Variants in DECR1 observed in about 807,000 individuals in gnomAD.
DECR1 encodes the protein 2,4-dienoyl-CoA reductase [(3E)-enoyl-CoA-producing], mitochondrial.
DECR1 carries 44 observed loss-of-function variants against 38.8 expected under a neutral mutation model. The ratio of observed to expected loss-of-function variants is 1.13; its 90% CI spans 0.89 to 1.46. The LOEUF is 1.46. Among genes scored for constraint, DECR1 ranks in the 40% most tolerant of loss-of-function variants. The probability of loss-of-function intolerance (pLI) is 0.00; values close to 1 mark genes in which losing one functional copy is unlikely to be tolerated. For synonymous variants in DECR1, 148 were observed against 135.2 expected (o/e 1.09, Z -0.66); for missense variants, 428 against 405.5 (o/e 1.06, Z -0.48).
At chr8:90,035,789 G>A (rs1813605277) in intron 5 of DECR1, among the ~76,000 whole-genome samples, 2 of 152,020 alleles carry the variant, frequency 1.3e-5, no homozygotes, top group African/African-American at 2.4e-5. Flanking sequence ...TTCTTTTGAG[G>A]TGTGTGGTTT....
At chr8:90,011,256 C>G (rs1177936187) in intron 1 of DECR1, among the ~76,000 whole-genome samples, 1 of 152,170 alleles carries the variant, frequency 6.6e-6, no homozygotes, top group South Asian at 2.1e-4. Flanking sequence ...GCAATGTTTA[C>G]AGTCAGCATA....
chr8:90,016,579 C>G (rs1813012247), intron 1 of DECR1, among the ~76,000 whole-genome samples: 1 of 152,138 alleles, frequency 6.6e-6, no homozygotes, highest in Admixed American at 6.5e-5. Flanking sequence ...GCGGAGGTTG[C>G]AGTCAGCCAA....
rs945735364 is a variant in DECR1 at position 90,052,428 on chromosome 8, A to T, written c.*531A>T. On this transcript the variant is annotated 3_prime_UTR_variant, in exon 10 of 10. Transcript: ENST00000220764. ...TACTAGGACCTATTTGTAGCCAGGC[A>T]TTTTATTTAGTACTGAATAAGCTAT... 6.6e-6 allele frequency among the ~76,000 whole-genome samples: 1 copy of T among 152,158 alleles called. No homozygotes were observed. The highest frequency in any genetic ancestry group is 6.5e-5 in the Admixed American group (1 of 15,274).
intron 5 of DECR1, among the ~76,000 whole-genome samples, chr8:90,028,469 T>A (rs184613271): frequency 6.6e-6 from 1 of 152,270 alleles, no homozygotes; most frequent in African/African-American, 2.4e-5. Context: ...GGACTAGCTT[T>A]GGTGTTGAGT....
intron 5 of DECR1, among the ~76,000 whole-genome samples, chr8:90,021,517 CA>C (rs1813164235): frequency 6.6e-6 from 1 of 152,004 alleles, no homozygotes; most frequent in Non-Finnish European, 1.5e-5. Context: ...GGAGAGTTCT[CA>C]ATACCAAAAT....
chr8:90,049,038 C>A (rs1813992164), intron 8 of DECR1, among the ~76,000 whole-genome samples: 1 of 152,116 alleles, frequency 6.6e-6, no homozygotes, highest in Non-Finnish European at 1.5e-5. Context: ...TGGGACATGC[C>A]TCAAAATAAT....
intron 5 of DECR1, among the ~76,000 whole-genome samples, chr8:90,032,251 G>A (rs1813514704): frequency 6.6e-6 from 1 of 152,040 alleles, no homozygotes; most frequent in African/African-American, 2.4e-5. Flanking sequence ...TCAGCTTAGG[G>A]CCACCCTATC....
rs767840047 is a variant in DECR1 at position 90,019,173 on chromosome 8, G to GTT, written c.417+2_417+3insTT. The GTT allele has an allele frequency of 1.2e-5, 19 of 1,613,298 alleles. No homozygotes were observed. The highest frequency in any genetic ancestry group is 1.5e-5 in the Non-Finnish European group (18 of 1,179,390). ...GATCAAAGTTGCAGGACATCCTAAT[G>GTT]TAAGTGTAGCAATGATGAAGCCAAA... On this transcript the variant is annotated splice_donor_variant, in intron 4 of 9. Transcript: ENST00000220764. LOFTEE classifies it high-confidence loss of function.
In DECR1 at chr8:90,020,915, A is replaced by G. The variant is rs981028164; in HGVS notation, c.424A>G (p.Ile142Val). 1.9e-6 allele frequency: 3 copies of G among 1,561,022 alleles called. No homozygotes were observed. The African/African-American group carries it at 4.2e-5, about 22-fold the overall frequency. The change falls in exon 5 of 10, where the codon ATA becomes GTA. Residue 142 changes from isoleucine to valine, a missense_variant. By Grantham distance (29) the Ile-to-Val change is conservative (BLOSUM62 3). Coordinates refer to ENST00000220764, the MANE Select transcript of DECR1 (RefSeq NM_001359.2). ...TGCCTTGTTCATTTATTAGATTGTG[A>G]TAAACAATGCAGCAGGGAATTTTAT... ...IKVAGHPNIV[I>V]NNAAGNFISP...
At chr8:90,007,278 C>T (rs111296397) in intron 1 of DECR1, among the ~76,000 whole-genome samples, 56 of 152,050 alleles carry the variant, frequency 3.7e-4, no homozygotes, top group Non-Finnish European at 5.9e-4. Context: ...CTATGGGGAG[C>T]GAAGGAATCT....
chr8:90,005,437 G>GT (rs1201020037), intron 1 of DECR1: 2 of 456,150 alleles, frequency 4.4e-6, no homozygotes, highest in South Asian at 1.5e-5. Context: ...AATAGCATCC[G>GT]TTTTTTCCAG....
chr8:90,009,598 A>C (rs1001754268), intron 1 of DECR1, among the ~76,000 whole-genome samples: 4 of 152,192 alleles, frequency 2.6e-5, no homozygotes, highest in African/African-American at 9.7e-5. Context: ...TAAATGAATA[A>C]ACTCTATATC....
chr8:90,045,048 G>T, intron 8 of DECR1, 53 bp downstream of exon 8: 1 of 1,602,366 alleles, frequency 6.2e-7, no homozygotes, highest in South Asian at 1.1e-5. Context: ...GTTTGGGGCA[G>T]GGAGGTCTGT....
chr8:90,030,071 C>T (rs1407771867), intron 5 of DECR1, among the ~76,000 whole-genome samples: 1 of 152,128 alleles, frequency 6.6e-6, no homozygotes, highest in East Asian at 1.9e-4. Context: ...AACTGTTTCA[C>T]CTCAGATCAT....
intron 1 of DECR1, among the ~76,000 whole-genome samples, chr8:90,004,096 C>T (rs1490186279): frequency 1.3e-5 from 2 of 151,682 alleles, no homozygotes; most frequent in Admixed American, 1.3e-4. Context: ...GTTTCTTTTC[C>T]TTTTGTTTTT....
intron 1 of DECR1, among the ~76,000 whole-genome samples, chr8:90,014,211 A>C (rs1812953119): frequency 6.6e-6 from 1 of 152,206 alleles, no homozygotes; most frequent in Admixed American, 6.5e-5. Flanking sequence ...AAAATCTTTA[A>C]AAGCCTGTTT....
At chr8:90,045,804 C>T (rs1813884157) in intron 8 of DECR1, among the ~76,000 whole-genome samples, 1 of 152,190 alleles carries the variant, frequency 6.6e-6, no homozygotes, top group African/African-American at 2.4e-5. Context: ...ACTGACACCT[C>T]ATACAGCCAG....
Position 90,001,489 on chromosome 8 carries a change from CAACATGAA to C in DECR1, c.-3_5del. 2.5e-6 allele frequency: 4 copies of C among 1,613,988 alleles called. No individual in the cohort carries two copies. The highest frequency in any genetic ancestry group is 2.5e-6 in the Non-Finnish European group (3 of 1,179,888). On this transcript the variant is annotated start_lost and 5_prime_UTR_variant, in exon 1 of 10. Transcript: ENST00000220764. ...CCTTCCGGCCCGAGTTCTGGAGACT[CAACATGAA>C]GCTACCGGCCAGGGTTTTCTTTACT...
chr8:90,048,152 A>G (rs1280235475), intron 8 of DECR1, among the ~76,000 whole-genome samples: 1 of 152,210 alleles, frequency 6.6e-6, no homozygotes, highest in Non-Finnish European at 1.5e-5. Context: ...AACACATTCA[A>G]AAGCTAGCAG....
Sources: allele counts gnomAD v4.1 joint callset (sites outside exome capture counted in the v4.1 genomes callset), GRCh38; gene constraint gnomAD v4.1.1; transcripts MANE v1.5; gene names NCBI Gene and HGNC (gene_info 2026-07-23, HGNC 2026-07-21).